The following PDGFRL variants were observed in gnomAD, a reference collection of about 807,000 sequenced individuals.
PDGFRL encodes the protein platelet-derived growth factor receptor-like protein.
In PDGFRL, 46 loss-of-function variants were observed where a neutral mutation model predicts 37.2. The observed-to-expected ratio is 1.24, with a 90% CI of 0.98 to 1.58. PDGFRL has a LOEUF of 1.58. Among genes scored for constraint, PDGFRL ranks in the 40% most tolerant of loss-of-function variants. The probability of loss-of-function intolerance (pLI) is 0.00; values close to 1 mark genes in which losing one functional copy is unlikely to be tolerated. For missense variants in PDGFRL, 692 were observed against 467.6 expected (o/e 1.48, Z -4.43); for synonymous variants, 251 against 184.3 (o/e 1.36, Z -2.93).
chr8:17,612,372 C>T (rs760661240), intron 2 of PDGFRL, among the ~76,000 whole-genome samples: 1 of 151,714 alleles, frequency 6.6e-6, no homozygotes, highest in Non-Finnish European at 1.5e-5. Context: ...CCTCTCTTCT[C>T]CTCTCTTTTC....
chr8:17,632,750 C>G (rs987516519), intron 4 of PDGFRL, among the ~76,000 whole-genome samples: 6 of 152,134 alleles, frequency 3.9e-5, no homozygotes, highest in African/African-American at 1.4e-4. Flanking sequence ...TCCTCCCCAT[C>G]CAGGTCTCAC....
intron 2 of PDGFRL, among the ~76,000 whole-genome samples, chr8:17,590,345 A>G (rs1803910523): frequency 1.3e-5 from 2 of 151,906 alleles, no homozygotes; most frequent in African/African-American, 4.8e-5. Flanking sequence ...ATGAAAATGT[A>G]TGATGTGTGG....
chr8:17,595,429 C>T (rs2427710), intron 2 of PDGFRL, among the ~76,000 whole-genome samples: 1 of 152,180 alleles, frequency 6.6e-6, no homozygotes, highest in African/African-American at 2.4e-5. Flanking sequence ...CATGCCCCAC[C>T]TAGGTAGCCG....
At chr8:17,634,051 G>A (rs774686816) in intron 4 of PDGFRL, 23 bp from the exon 5 acceptor site, 46 of 1,612,458 alleles carry the variant, frequency 2.9e-5, no homozygotes, top group Non-Finnish European at 3.5e-5. Context: ...GTCTCACTCT[G>A]CCTGTTTCGT....
chr8:17,592,916 G>GCACACACACACA (rs140137425), intron 2 of PDGFRL, among the ~76,000 whole-genome samples: 15 of 29,520 alleles, frequency 5.1e-4, no homozygotes, highest in African/African-American at 5.9e-4. Flanking sequence ...CCACATACAT[G>GCACACACACACA]CACACACACA....
At chr8:17,578,758 A>C (rs745319012) in intron 1 of PDGFRL, among the ~76,000 whole-genome samples, 2 of 152,252 alleles carry the variant, frequency 1.3e-5, no homozygotes, top group Admixed American at 6.5e-5. Flanking sequence ...TATTACAAAC[A>C]TCTGACTAAA....
At chr8:17,580,271 G>A (rs535875658) in intron 1 of PDGFRL, among the ~76,000 whole-genome samples, 3 of 152,200 alleles carry the variant, frequency 2.0e-5, no homozygotes, top group African/African-American at 4.8e-5. Flanking sequence ...ACACAATGAC[G>A]AGGATTCTCT....
At chr8:17,590,888 A>ATTTTTTTTTT (rs71729974) in intron 2 of PDGFRL, among the ~76,000 whole-genome samples, 2 of 143,082 alleles carry the variant, frequency 1.4e-5, no homozygotes, top group African/African-American at 2.6e-5. Flanking sequence ...ATTATTATTA[A>ATTTTTTTTTT]TTTTTTTTTT....
At chr8:17,626,914 G>A (rs560745974) in intron 3 of PDGFRL, among the ~76,000 whole-genome samples, 11 of 152,320 alleles carry the variant, frequency 7.2e-5, no homozygotes, top group African/African-American at 2.6e-4. Context: ...GGAAATGGGG[G>A]GAGATAAGAG....
intron 5 of PDGFRL, among the ~76,000 whole-genome samples, chr8:17,637,570 T>A (rs2129845626): frequency 1.3e-5 from 2 of 152,338 alleles, no homozygotes; most frequent in South Asian, 4.1e-4. Flanking sequence ...GGTATTAGGG[T>A]GATACTGGCT....
chr8:17,600,813 A>AC (rs1554550903), intron 2 of PDGFRL, among the ~76,000 whole-genome samples: 5 of 121,638 alleles, frequency 4.1e-5, no homozygotes, highest in South Asian at 2.4e-4. Flanking sequence ...AAAAAAAAAA[A>AC]ACAAAAAAAC....
Position 17,612,881 on chromosome 8 carries a change from T to C in PDGFRL, c.354-8170T>C, listed in dbSNP as rs374542441. 3.0e-4 allele frequency among the ~76,000 whole-genome samples: 46 copies of C among 152,358 alleles called. No individual in the cohort carries two copies. In the East Asian group the frequency reaches 5.4e-3, roughly 18 times the overall value. On this transcript the variant is annotated intron_variant, in intron 2 of 5. Coordinates refer to ENST00000251630, the MANE Select transcript of PDGFRL (RefSeq NM_001372073.1). ...GACTAACTTTCCCCCTAATCTGTTG[T>C]GAATATTTTTTATGTGTAAAGTTAT...
intron 5 of PDGFRL, among the ~76,000 whole-genome samples, chr8:17,636,485 C>T (rs746091213): frequency 1.9e-4 from 29 of 151,840 alleles, no homozygotes; most frequent in African/African-American, 6.8e-4. Flanking sequence ...TATTTTTATA[C>T]CAGTACCATG....
At position 17,628,588 on chromosome 8, in the gene PDGFRL, G is replaced by C; in HGVS notation, c.607G>C (p.Ala203Pro). The part of the protein sequence containing the change: ...VVPCRVTVLS[A>P]KVTLHREFPA... ...TCCTTGTCGGGTGACCGTGCTGTCGGCCAAAGTCACGCTCCACAGGGAATT... is the reference window on the plus strand; with the variant it reads ...TCCTTGTCGGGTGACCGTGCTGTCGCCCAAAGTCACGCTCCACAGGGAATT... Residue 203 changes from alanine to proline, a missense_variant, in exon 4 of 6, where the codon GCC becomes CCC. Ala to Pro is a conservative substitution (Grantham distance 27). Transcript: ENST00000251630. 1 of 1,614,154 alleles carries C rather than the reference G, an allele frequency of 6.2e-7. No individual in the cohort carries two copies. Among genetic ancestry groups the C allele is most frequent in the Non-Finnish European group, 8.5e-7 (1 of 1,179,992 alleles).
intron 2 of PDGFRL, among the ~76,000 whole-genome samples, chr8:17,616,487 C>G (rs771384157): frequency 6.6e-6 from 1 of 152,204 alleles, no homozygotes; most frequent in Non-Finnish European, 1.5e-5. Flanking sequence ...ACCACTTGCG[C>G]CTGGCCCAAG....
At chr8:17,630,707 T>G (rs1260077347) in intron 4 of PDGFRL, among the ~76,000 whole-genome samples, 1 of 152,100 alleles carries the variant, frequency 6.6e-6, no homozygotes, top group South Asian at 2.1e-4. Flanking sequence ...AGGAAGTAAG[T>G]GAGAGCTGGC....
In PDGFRL at chr8:17,615,327, T is replaced by TGTGC. The variant is rs1449200705; in HGVS notation, c.354-5723_354-5722insTGCG. On this transcript the variant is annotated intron_variant, in intron 2 of 5. Transcript: ENST00000251630. ...TTTGTGATTTGGGAGTGTGTGTGTG[T>TGTGC]GCATAGCTATACTTAGCAGATTTTA... Among the ~76,000 whole-genome samples, 4 of 152,158 alleles carry TGTGC rather than the reference T, an allele frequency of 2.6e-5. No individual in the cohort carries two copies. In the South Asian group the frequency reaches 8.3e-4, roughly 32 times the overall value.
chr8:17,640,946 C>A (rs1805078931), intron 5 of PDGFRL, among the ~76,000 whole-genome samples: 1 of 151,946 alleles, frequency 6.6e-6, no homozygotes, highest in African/African-American at 2.4e-5. Flanking sequence ...GCGGGTCTTG[C>A]TATGGCTGCT....
intron 5 of PDGFRL, among the ~76,000 whole-genome samples, chr8:17,641,633 T>G (rs1805095048): frequency 6.6e-6 from 1 of 152,180 alleles, no homozygotes; most frequent in Non-Finnish European, 1.5e-5. Flanking sequence ...ATAAAAGCAA[T>G]TGCAGCGTAT....
Sources: allele counts gnomAD v4.1 joint callset (sites outside exome capture counted in the v4.1 genomes callset), GRCh38; gene constraint gnomAD v4.1.1; transcripts MANE v1.5; gene names NCBI Gene and HGNC (gene_info 2026-07-23, HGNC 2026-07-21).